HSPG2: variants seen among roughly 807,000 people sequenced by gnomAD.
HSPG2 encodes heparan sulfate proteoglycan 2.
HSPG2 carries 278 observed loss-of-function variants against 526.6 expected under a neutral mutation model. The observed-to-expected ratio is 0.53, with a 90% confidence interval of 0.48 to 0.58. HSPG2 has a LOEUF of 0.58. Among genes scored for constraint, HSPG2 ranks in the 20% least tolerant of loss-of-function variants. The pLI, the probability that HSPG2 is intolerant of heterozygous loss-of-function variation, is 0.00. For synonymous variants in HSPG2, 2,465 were observed against 2,555.4 expected, an observed-to-expected ratio of 0.96 and a Z score of 1.07; for missense variants, 5,354 against 6,099.5, an observed-to-expected ratio of 0.88 and a Z score of 4.07.
At position 21,884,640 on chromosome 1, in the gene HSPG2, G is replaced by A; in HGVS notation, c.1542C>T (p.His514=). 6.2e-7 allele frequency: 1 copy of A among 1,611,924 alleles called. No individual in the cohort carries two copies. Among genetic ancestry groups the A allele is most frequent in the Non-Finnish European group, 8.5e-7 (1 of 1,179,760 alleles). The change falls in exon 13 of 97, where the codon CAC becomes CAT. Residue 514 remains histidine (H), a synonymous_variant. Coordinates refer to ENST00000374695, the MANE Select transcript of HSPG2 (RefSeq NM_005529.7). ...PCPDGHFYLE[H]SAACLPCFCF... is the part of the protein sequence containing the mutation. The stretch of plus-strand genomic sequence containing the variant: ...AGAAGCAGGGCAGGCAGGCGGCGCT[G>A]TGCTCCAGGTAGAAGTGGCCGTCAG...
chr1:21,823,817 CAG>C (rs1166027171), intron 95 of HSPG2, 98 bp from the exon 96 acceptor site: 2 of 932,968 alleles, frequency 2.1e-6, no homozygotes, highest in East Asian at 5.0e-5. Flanking sequence ...ACTCCAGACT[CAG>C]AAGTCTGTCC....
intron 21 of HSPG2, 43 bp downstream of exon 21, chr1:21,878,143 C>A (rs747132124): frequency 6.3e-7 from 1 of 1,575,902 alleles, no homozygotes. Flanking sequence ...AGCTGTGGTG[C>A]TGGGCCCAAG....
chr1:21,852,862 G>T, intron 51 of HSPG2, 30 bp from the exon 52 acceptor site: 1 of 1,611,398 alleles, frequency 6.2e-7, no homozygotes, highest in Non-Finnish European at 8.5e-7. Flanking sequence ...GTTGGGAGGG[G>T]GCTGGAACAG....
intron 1 of HSPG2, among the ~76,000 whole-genome samples, chr1:21,926,380 A>G (rs1187143823): frequency 6.6e-6 from 1 of 152,088 alleles, no homozygotes; most frequent in East Asian, 1.9e-4. Context: ...GTCTGTCCCC[A>G]GGAAACTCCT....
rs1219605006 is a variant in HSPG2 at position 21,852,664 on chromosome 1, C to T, written c.6724+36G>A. 6 of 1,612,418 alleles carry T rather than the reference C, an allele frequency of 3.7e-6. No homozygotes were observed. The South Asian group carries it at 6.6e-5, about 18-fold the overall frequency. ...CTCACCACCCCGGAGGCCTCTCTGCCTCCTCCAGCTTTCCATGTCACTGGG... is the reference window on the plus strand; with the variant it reads ...CTCACCACCCCGGAGGCCTCTCTGCTTCCTCCAGCTTTCCATGTCACTGGG... On this transcript the variant is annotated intron_variant, in intron 52 of 96. Transcript: ENST00000374695.
chr1:21,832,759 T>G, intron 80 of HSPG2, 153 bp from the exon 81 acceptor site: 1 of 636,418 alleles, frequency 1.6e-6, no homozygotes, highest in Non-Finnish European at 2.8e-6. Flanking sequence ...CTTCTCACTA[T>G]CTCAGGGCTG....
chr1:21,870,328 G>A (rs1194318095), intron 33 of HSPG2: 11 of 984,326 alleles, frequency 1.1e-5, no homozygotes, highest in East Asian at 1.1e-4. Flanking sequence ...ATGAAATGGA[G>A]GGAGCAGGCG....
Position 21,860,016 on chromosome 1 carries a change from C to T in HSPG2, c.5015-14G>A, listed in dbSNP as rs1164474261. 2.5e-6 allele frequency: 4 copies of T among 1,609,090 alleles called. No individual in the cohort carries two copies. Among genetic ancestry groups the T allele is most frequent in the Non-Finnish European group, 3.4e-6 (4 of 1,178,326 alleles). On this transcript the variant is annotated splice_polypyrimidine_tract_variant and intron_variant, in intron 40 of 96. Transcript: ENST00000374695. Reference sequence around the variant, plus strand: ...GGGCTTGGTTTGCTGGGGGTGGGGGCCGGGACAGGAAGGGCCTTTCAGCAT... The same window carrying T: ...GGGCTTGGTTTGCTGGGGGTGGGGGTCGGGACAGGAAGGGCCTTTCAGCAT...
chr1:21,871,264 T>TG (rs886857634), intron 33 of HSPG2, among the ~76,000 whole-genome samples: 10 of 147,406 alleles, frequency 6.8e-5, no homozygotes, highest in Non-Finnish European at 1.3e-4. Flanking sequence ...ATTTGTTTTT[T>TG]TTTTTTTTTT....
Position 21,830,307 on chromosome 1 carries a change from G to C in HSPG2, c.11672-216C>G, listed in dbSNP as rs573747342. On this transcript the variant is annotated intron_variant, in intron 85 of 96. Coordinates refer to ENST00000374695, the MANE Select transcript of HSPG2 (RefSeq NM_005529.7). ...GCAGGGGAAGCAGTCGAGGGACTCT[G>C]TGTGTCTGCAGGTTCTTCAGAGACT... 3.3e-4 allele frequency: 196 copies of C among 589,790 alleles called. 3 individuals carry two copies. The South Asian group carries it at 3.8e-3, about 12-fold the overall frequency. The allele number at this position is 589,790 out of a possible 1,614,324, so 36.5% of individuals were successfully genotyped here.
chr1:21,896,908 C>T (rs544222670), intron 1 of HSPG2, among the ~76,000 whole-genome samples: 22 of 152,354 alleles, frequency 1.4e-4, no homozygotes, highest in African/African-American at 5.3e-4. Context: ...TGCAGCCACA[C>T]TGACAGGCTC....
intron 1 of HSPG2, among the ~76,000 whole-genome samples, chr1:21,915,927 T>C (rs1643876048): frequency 6.6e-6 from 1 of 151,816 alleles, no homozygotes; most frequent in African/African-American, 2.4e-5. Flanking sequence ...GGTGTGTGCC[T>C]GTAATCCCAG....
At chr1:21,830,960 G>A (rs775937676) in intron 85 of HSPG2, 22 bp downstream of exon 85, 29 of 1,520,964 alleles carry the variant, frequency 1.9e-5, no homozygotes, top group Non-Finnish European at 2.4e-5. Context: ...GGGCGACAGC[G>A]ACTGGCGGTC....
At position 21,847,464 on chromosome 1, in the gene HSPG2, T is replaced by C; in HGVS notation, c.8054A>G (p.Gln2685Arg). 1 of 1,613,920 alleles carries C rather than the reference T, an allele frequency of 6.2e-7. No individual in the cohort carries two copies. Among genetic ancestry groups the C allele is most frequent in the Non-Finnish European group, 8.5e-7 (1 of 1,180,024 alleles). The stretch of plus-strand genomic sequence containing the variant: ...CTCGCCCGAGTCAGCCACAGACATT[T>C]GGTGCAACCGCAGGTGGGAGCCATG... ...QTHGSHLRLH[Q>R]MSVADSGEYV... The change falls in exon 62 of 97, where the codon CAA (glutamine) becomes CGA (arginine). Residue 2685 changes from glutamine to arginine, a missense_variant. Physicochemically the swap from Gln to Arg is conservative, Grantham distance 43 (BLOSUM62 1). Transcript: ENST00000374695. This position sits in a 1 kb window ranked among gnomAD's most constrained non-coding sequence, Gnocchi z 4.1.
Position 21,857,401 on chromosome 1 carries a change from G to A in HSPG2, c.5294-16C>T, listed in dbSNP as rs1557730761. The A allele has an allele frequency of 6.2e-7, 1 of 1,610,796 alleles. No individual in the cohort carries two copies. The highest frequency in any genetic ancestry group is 8.5e-7 in the Non-Finnish European group (1 of 1,178,334). Reference sequence around the variant, plus strand: ...CTTGGAGCCTCTGCAGGGACGGGAAGCCCCCCTGTGAGCCGGTGCTGGCTA... The same window carrying A: ...CTTGGAGCCTCTGCAGGGACGGGAAACCCCCCTGTGAGCCGGTGCTGGCTA... On this transcript the variant is annotated splice_polypyrimidine_tract_variant and intron_variant, in intron 42 of 96. Coordinates refer to ENST00000374695, the MANE Select transcript of HSPG2 (RefSeq NM_005529.7).
chr1:21,881,589 G>T, intron 13 of HSPG2, 87 bp from the exon 14 acceptor site: 1 of 1,209,428 alleles, frequency 8.3e-7, no homozygotes, highest in Non-Finnish European at 1.2e-6. Flanking sequence ...AGAAAGGTGG[G>T]AAAGTTCTAG....
At chr1:21,909,022 C>T (rs544273236) in intron 1 of HSPG2, among the ~76,000 whole-genome samples, 10 of 152,280 alleles carry the variant, frequency 6.6e-5, no homozygotes, top group Non-Finnish European at 1.3e-4. Flanking sequence ...GCAGGAGAAT[C>T]GCTTGAACCC....
Position 21,843,405 on chromosome 1 carries a change from A to G in HSPG2, c.8650T>C (p.Ser2884Pro). The stretch of plus-strand genomic sequence containing the variant: ...GAGTACTCGCCAGAGTCAGCCGGGG[A>G]CACCTGGTTCAGCCTCAGCAGTGGG... ...HGPLLRLNQV[S>P]PADSGEYSCQ... The change falls in exon 66 of 97, where the codon TCC becomes CCC. Residue 2884 changes from serine (S) to proline (P), a missense_variant. Transcript: ENST00000374695. 6.2e-7 allele frequency: 1 copy of G among 1,613,658 alleles called. No homozygotes were observed. The highest frequency in any genetic ancestry group is 8.5e-7 in the Non-Finnish European group (1 of 1,179,842).
In HSPG2 at chr1:21,847,426, C is replaced by T; in HGVS notation, c.8092G>A (p.Ala2698Thr). ...VADSGEYVCRANNNIDALEAS... is the reference protein window; with the variant it reads ...VADSGEYVCRTNNNIDALEAS... ...TCCAGGGCATCGATGTTGTTGTTGG[C>T]CCGGCACACATACTCGCCCGAGTCA... Residue 2698 changes from alanine (A) to threonine (T), a missense_variant, in exon 62 of 97, where the codon GCC becomes ACC. Ala to Thr is a moderately conservative substitution (Grantham distance 58, BLOSUM62 0). Coordinates refer to ENST00000374695, the MANE Select transcript of HSPG2 (RefSeq NM_005529.7). This position sits in a 1 kb window ranked among gnomAD's most constrained non-coding sequence, Gnocchi z 4.1. 6.2e-7 allele frequency: 1 copy of T among 1,613,962 alleles called. No homozygotes were observed. Among genetic ancestry groups the T allele is most frequent in the Non-Finnish European group, 8.5e-7 (1 of 1,180,036 alleles).
Sources: allele counts gnomAD v4.1 joint callset (sites outside exome capture counted in the v4.1 genomes callset), GRCh38; gene constraint gnomAD v4.1.1; non-coding constraint Gnocchi (gnomAD v3.1); transcripts MANE v1.5; gene names NCBI Gene and HGNC (gene_info 2026-07-23, HGNC 2026-07-21).